FAM110B: variants seen among roughly 807,000 people sequenced by gnomAD.
FAM110B encodes protein FAM110B.
Under a neutral mutation model 20.4 loss-of-function variants are expected in FAM110B, and 6 were observed. The observed-to-expected ratio is 0.29, with a 90% CI of 0.16 to 0.58. FAM110B has a LOEUF of 0.58. Among genes scored for constraint, FAM110B ranks in the 20% least tolerant of loss-of-function variants. The pLI is 0.90. For synonymous variants in FAM110B, 226 were observed against 214.1 expected (o/e 1.06, Z -0.49); for missense variants, 434 against 498.2 (o/e 0.87, Z 1.23).
In FAM110B at chr8:58,148,712, A is replaced by G. The variant is rs537470217; in HGVS notation, c.*1369A>G. 1 of 167,238 alleles carries G rather than the reference A, an allele frequency of 6.0e-6. No homozygotes were observed. The highest frequency in any genetic ancestry group is 1.5e-5 in the Non-Finnish European group (1 of 68,118). The allele number at this position is 167,238 out of a possible 1,614,324, so 10.4% of individuals were successfully genotyped here. A position where few individuals can be genotyped will look rare whatever the true frequency, so the allele number is the denominator to read the frequency against. ...GTGTAAATGCTGTAAGACTTTGTAC[A>G]TACTTCAGTTGTTATGAAATCTTTA... On this transcript the variant is annotated 3_prime_UTR_variant, in exon 4 of 4. Transcript: ENST00000519262.
intron 2 of FAM110B, among the ~76,000 whole-genome samples, chr8:58,064,285 T>C (rs891753133): frequency 6.6e-6 from 1 of 152,218 alleles, no homozygotes; most frequent in African/African-American, 2.4e-5. Context: ...CACCTTTCTC[T>C]AATATTTTTG....
At chr8:58,141,498 C>T (rs1803741717) in intron 3 of FAM110B, among the ~76,000 whole-genome samples, 1 of 152,190 alleles carries the variant, frequency 6.6e-6, no homozygotes, top group Non-Finnish European at 1.5e-5. Context: ...CCTTTTCCTG[C>T]TGTGAGACAC....
chr8:58,078,362 C>A (rs1050326660), intron 3 of FAM110B, among the ~76,000 whole-genome samples: 3 of 152,102 alleles, frequency 2.0e-5, no homozygotes, highest in Non-Finnish European at 4.4e-5. Context: ...ATATGTAAGT[C>A]ATTTTTAAAG....
intron 3 of FAM110B, among the ~76,000 whole-genome samples, chr8:58,144,446 C>G (rs1030284495): frequency 2.6e-5 from 4 of 152,152 alleles, no homozygotes; most frequent in African/African-American, 2.4e-5. Flanking sequence ...TAGAACCGCA[C>G]AATTAAAGGA....
intron 1 of FAM110B, among the ~76,000 whole-genome samples, chr8:58,023,131 C>G (rs1208551469): frequency 6.6e-6 from 1 of 152,096 alleles, no homozygotes; most frequent in African/African-American, 2.4e-5. Flanking sequence ...GACTTAATTT[C>G]TTGGCATGGT....
At chr8:58,131,336 G>A (rs985518568) in intron 3 of FAM110B, among the ~76,000 whole-genome samples, 1 of 151,442 alleles carries the variant, frequency 6.6e-6, no homozygotes, top group Non-Finnish European at 1.5e-5. Context: ...CTGCAGCCTC[G>A]AACCCCTGGT....
At position 58,097,882 on chromosome 8, in the gene FAM110B, A is replaced by C. The variant is rs181019047; in HGVS notation, c.-325+22259A>C. Among the ~76,000 whole-genome samples, 31 of 152,320 alleles carry C rather than the reference A, an allele frequency of 2.0e-4. No homozygotes were observed. In the East Asian group the frequency reaches 5.6e-3, roughly 28 times the overall value. ...AGACCCTGTTTGCATGGGTATCACCAGCAGAGGCTGCAGAACAGCAAAGAT... is the reference window on the plus strand; with the variant it reads ...AGACCCTGTTTGCATGGGTATCACCCGCAGAGGCTGCAGAACAGCAAAGAT... On this transcript the variant is annotated intron_variant, in intron 3 of 3. Coordinates refer to ENST00000519262, the MANE Select transcript of FAM110B (RefSeq NM_001377989.1).
At chr8:58,058,619 A>G (rs528743456) in intron 2 of FAM110B, among the ~76,000 whole-genome samples, 2 of 152,296 alleles carry the variant, frequency 1.3e-5, no homozygotes, top group East Asian at 1.9e-4. Flanking sequence ...GAAATACATA[A>G]ACTATAACTG....
intron 1 of FAM110B, among the ~76,000 whole-genome samples, chr8:58,012,520 G>GT (rs1458683653): frequency 6.6e-6 from 1 of 152,122 alleles, no homozygotes; most frequent in Non-Finnish European, 1.5e-5. Flanking sequence ...AAAATAAAAG[G>GT]TTTTATTGAG....
At chr8:58,120,678 A>T (rs1250435848) in intron 3 of FAM110B, among the ~76,000 whole-genome samples, 1 of 152,202 alleles carries the variant, frequency 6.6e-6, no homozygotes, top group African/African-American at 2.4e-5. Flanking sequence ...GTCAGCCCAT[A>T]TTGTTGAGGT....
chr8:58,118,465 C>G (rs1807273346), intron 3 of FAM110B, among the ~76,000 whole-genome samples: 1 of 152,172 alleles, frequency 6.6e-6, no homozygotes, highest in Non-Finnish European at 1.5e-5. Flanking sequence ...CCGGTTGGGT[C>G]TGGGTGCTTA....
At chr8:58,029,579 C>A (rs1804926563) in intron 1 of FAM110B, among the ~76,000 whole-genome samples, 1 of 151,928 alleles carries the variant, frequency 6.6e-6, no homozygotes, top group Admixed American at 6.6e-5. Context: ...AAATTGTAAT[C>A]TCTTAAGAGG....
chr8:58,113,092 G>C (rs924748827), intron 3 of FAM110B: 1 of 152,126 alleles, frequency 6.6e-6, no homozygotes, highest in Non-Finnish European at 1.5e-5. Flanking sequence ...CATTCATGGG[G>C]GGGGGCTCTG....
intron 3 of FAM110B, among the ~76,000 whole-genome samples, chr8:58,142,448 C>T (rs945834525): frequency 2.0e-5 from 3 of 152,170 alleles, no homozygotes; most frequent in Admixed American, 1.3e-4. Flanking sequence ...GATAACATTG[C>T]TCTTCCTTGT....
intron 3 of FAM110B, among the ~76,000 whole-genome samples, chr8:58,096,412 G>A (rs939093384): frequency 2.6e-5 from 4 of 152,068 alleles, no homozygotes; most frequent in East Asian, 1.9e-4. Context: ...TCCTGACCTC[G>A]TGATCCACCT....
intron 2 of FAM110B, among the ~76,000 whole-genome samples, chr8:58,050,891 G>A (rs951853369): frequency 5.9e-5 from 9 of 152,124 alleles, no homozygotes; most frequent in Non-Finnish European, 1.2e-4. Flanking sequence ...CCATGGAAAG[G>A]TCAGTTAAAA....
At chr8:58,144,115 C>A (rs1026098262) in intron 3 of FAM110B, among the ~76,000 whole-genome samples, 4 of 152,212 alleles carry the variant, frequency 2.6e-5, no homozygotes, top group East Asian at 1.9e-4. Context: ...GGTATTCCCA[C>A]TCTAGTCCTC....
chr8:58,057,153 A>G (rs1805562967), intron 2 of FAM110B, among the ~76,000 whole-genome samples: 1 of 152,194 alleles, frequency 6.6e-6, no homozygotes, highest in Non-Finnish European at 1.5e-5. Context: ...CTCCCTGGTC[A>G]TGGGCTGCCT....
chr8:58,103,393 A>C (rs889730524), intron 3 of FAM110B, among the ~76,000 whole-genome samples: 1 of 145,584 alleles, frequency 6.9e-6, no homozygotes, highest in Admixed American at 7.3e-5. Context: ...TCATTGTTCA[A>C]TTCCCACCTA....
Sources: gnomAD v4.1 joint callset for allele counts (sites outside exome capture counted in the v4.1 genomes callset) on GRCh38, gnomAD v4.1.1 for gene constraint, MANE v1.5 for transcripts, NCBI Gene and HGNC (gene_info 2026-07-23, HGNC 2026-07-21) for gene names.